The following MORC4 variants were observed in gnomAD, a reference collection of about 807,000 sequenced individuals.
MORC4 encodes the protein MORC family CW-type zinc finger 4, also known as MORC family CW-type zinc finger protein 4.
Under a neutral mutation model 65.5 loss-of-function variants are expected in MORC4, and 22 were observed. The observed-to-expected ratio is 0.34, with a 90% CI of 0.24 to 0.48. MORC4 has a LOEUF of 0.48. MORC4 is among the 20% of genes least tolerant of loss of function. MORC4 has a pLI of 0.99. For missense variants in MORC4, 624 were observed against 703.0 expected (o/e 0.89, Z 1.27); for synonymous variants, 267 against 255.8 (o/e 1.04, Z -0.42).
chrX:106,950,997 A>AT (rs759510438), intron 14 of MORC4, among the ~76,000 whole-genome samples: 2 of 111,510 alleles, frequency 1.8e-5, no homozygotes. Context: ...AGAAACACTG[A>AT]TTTTTTTTAA....
chrX:106,958,220 A>G, intron 11 of MORC4, 116 bp downstream of exon 11: 6 of 678,579 alleles, frequency 8.8e-6, no homozygotes, highest in Non-Finnish European at 1.3e-5. Flanking sequence ...GGGGTCAGTC[A>G]GCACAGGGCC....
intron 9 of MORC4, among the ~76,000 whole-genome samples, chrX:106,970,189 A>G (rs757483270): frequency 8.9e-6 from 1 of 112,008 alleles, no homozygotes; most frequent in East Asian, 2.8e-4. Context: ...AAATCAATAA[A>G]CATAATCCAT....
At chrX:106,955,351 C>G (rs765820733) in intron 13 of MORC4, among the ~76,000 whole-genome samples, 8 of 109,803 alleles carry the variant, frequency 7.3e-5, no homozygotes, top group Non-Finnish European at 5.7e-5. Context: ...CAATATAAAC[C>G]CAGGCCCCCT....
chrX:106,994,504 C>T (rs980590359), intron 2 of MORC4, among the ~76,000 whole-genome samples: 20 of 112,082 alleles, frequency 1.8e-4, no homozygotes, highest in Admixed American at 1.9e-4. Context: ...ATCATTTTTT[C>T]CCAGGAACAC....
chrX:106,963,177 C>T (rs1168049820), intron 9 of MORC4, among the ~76,000 whole-genome samples: 1 of 111,831 alleles, frequency 8.9e-6, no homozygotes, highest in Non-Finnish European at 1.9e-5. Flanking sequence ...TAAAAATCTA[C>T]TTAAAATCTA....
At chrX:106,950,564 G>A (rs951006769) in intron 14 of MORC4, among the ~76,000 whole-genome samples, 1 of 112,340 alleles carries the variant, frequency 8.9e-6, no homozygotes, top group Non-Finnish European at 1.9e-5. Flanking sequence ...CTATGAGCAA[G>A]CTCGGGTAGG....
At chrX:106,977,455 T>C (rs1015865186) in intron 8 of MORC4, among the ~76,000 whole-genome samples, 4 of 111,922 alleles carry the variant, frequency 3.6e-5, no homozygotes, top group Non-Finnish European at 5.7e-5. Flanking sequence ...CTTGTAGACA[T>C]TACTACTTTA....
chrX:106,984,465 CT>C (rs762110163), intron 5 of MORC4, among the ~76,000 whole-genome samples: 105 of 71,374 alleles, frequency 1.5e-3, no homozygotes, highest in African/African-American at 4.5e-3. Flanking sequence ...TTTCTTTTTT[CT>C]TTTTTTTTTT....
chrX:106,944,270 C>T (rs1933770398), intron 14 of MORC4, among the ~76,000 whole-genome samples: 1 of 111,464 alleles, frequency 9.0e-6, no homozygotes, highest in Non-Finnish European at 1.9e-5. Flanking sequence ...TAGATCTTGT[C>T]GTGTTAGCCT....
In MORC4 at chrX:106,956,534, T is replaced by A; in HGVS notation, c.1455A>T (p.Gln485His). The change falls in exon 13 of 17, where the codon CAA becomes CAT. Residue 485 changes from glutamine (Q) to histidine (H), a missense_variant and splice_region_variant. By Grantham distance (24) the Gln-to-His change is conservative. Transcript: ENST00000355610. Reference protein sequence around the residue: ...EDLCLSKAKKQEQTVEEKKKM... With the variant: ...EDLCLSKAKKHEQTVEEKKKM... The stretch of plus-strand genomic sequence containing the variant: ...TCTTCTTCTCCTCAACAGTTTGTTC[T>A]CTAGGAGAAGATAAAAGTGCTATTT... The A allele has an allele frequency of 8.3e-7, 1 of 1,201,207 alleles. No individual in the cohort carries two copies. The highest frequency in any genetic ancestry group is 1.1e-6 in the Non-Finnish European group (1 of 885,873).
chrX:106,955,109 T>C, intron 13 of MORC4, 21 bp from the exon 14 acceptor site: 8 of 1,136,850 alleles, frequency 7.0e-6, no homozygotes, highest in Non-Finnish European at 9.5e-6. Context: ...CAGAAATGAT[T>C]TGTAAAAGTC....
At chrX:106,985,894 C>G in intron 4 of MORC4, 89 bp downstream of exon 4, 1 of 717,431 alleles carries the variant, frequency 1.4e-6, no homozygotes, top group Non-Finnish European at 2.1e-6. Flanking sequence ...AAACTTCTGA[C>G]AGTTGGATTT....
intron 16 of MORC4, 139 bp from the exon 17 acceptor site, chrX:106,941,771 C>A: frequency 1.2e-6 from 1 of 808,373 alleles, no homozygotes; most frequent in South Asian, 2.7e-5. Flanking sequence ...AAGCACAACG[C>A]CACCAAGCAC....
chrX:106,944,336 A>G (rs1933772021), intron 14 of MORC4, among the ~76,000 whole-genome samples: 1 of 112,047 alleles, frequency 8.9e-6, no homozygotes, highest in African/African-American at 3.2e-5. Context: ...TCCATCTTTG[A>G]ACACGTATAA....
At chrX:106,981,558 A>G (rs1934742648) in intron 5 of MORC4, 81 bp from the exon 6 acceptor site, 1 of 912,830 alleles carries the variant, frequency 1.1e-6, no homozygotes, top group African/African-American at 2.0e-5. Context: ...CAAAAGAAAA[A>G]AAAACAATAT....
At chrX:106,982,409 T>C (rs1934766297) in intron 5 of MORC4, among the ~76,000 whole-genome samples, 1 of 111,706 alleles carries the variant, frequency 9.0e-6, no homozygotes, top group Non-Finnish European at 1.9e-5. Context: ...TTGTAGCTCC[T>C]TTTACAGGGC....
At chrX:106,966,784 TATA>T (rs1158646704) in intron 9 of MORC4, among the ~76,000 whole-genome samples, 30 of 112,307 alleles carry the variant, frequency 2.7e-4, no homozygotes, top group Non-Finnish European at 4.9e-4. Flanking sequence ...GTTCACAGTG[TATA>T]CAAAGCAGCA....
intron 14 of MORC4, among the ~76,000 whole-genome samples, chrX:106,946,471 C>G (rs992934192): frequency 8.9e-6 from 1 of 112,316 alleles, no homozygotes; most frequent in Non-Finnish European, 1.9e-5. Flanking sequence ...TATTTCATTC[C>G]TTTTCATAGC....
chrX:106,951,710 A>G (rs2147806001), intron 14 of MORC4, among the ~76,000 whole-genome samples: 1 of 111,128 alleles, frequency 9.0e-6, no homozygotes, highest in African/African-American at 3.3e-5. Flanking sequence ...AGAACTATAC[A>G]TATTTAGCCA....
Sources: gnomAD v4.1 joint callset for allele counts (sites outside exome capture counted in the v4.1 genomes callset) on GRCh38, gnomAD v4.1.1 for gene constraint, MANE v1.5 for transcripts, NCBI Gene and HGNC (gene_info 2026-07-23, HGNC 2026-07-21) for gene names.